INO80: variants seen among roughly 807,000 people sequenced by gnomAD.
INO80 encodes the protein INO80 complex ATPase subunit, also known as chromatin-remodeling ATPase INO80.
In INO80, 20 loss-of-function variants were observed where a neutral mutation model predicts 203.4. The ratio of observed to expected loss-of-function variants is 0.10; its 90% CI spans 0.07 to 0.14. The LOEUF (loss-of-function observed/expected upper bound fraction) is 0.14. Among genes scored for constraint, INO80 ranks in the 10% least tolerant of loss-of-function variants. INO80 has a pLI of 1.00. For missense variants in INO80, 1,419 were observed against 1,914.4 expected, an observed-to-expected ratio of 0.74 and a Z score of 4.83; for synonymous variants, 726 against 685.2, an observed-to-expected ratio of 1.06 and a Z score of -0.93.
At chr15:40,987,342 A>C in intron 30 of INO80, 149 bp from the exon 31 acceptor site, 1 of 570,436 alleles carries the variant, frequency 1.8e-6, no homozygotes, top group Non-Finnish European at 3.1e-6. Context: ...ATTTCAGTTC[A>C]TCTGATTGGC....
In INO80 at chr15:40,980,050, G is replaced by C. The variant is rs972755358; in HGVS notation, c.*173C>G. 4.2e-5 allele frequency: 26 copies of C among 625,266 alleles called. No homozygotes were observed. Among genetic ancestry groups the C allele is most frequent in the Middle Eastern group, 8.7e-4 (2 of 2,308 alleles). The allele number at this position is 625,266 out of a possible 1,614,324, so 38.7% of individuals were successfully genotyped here. A position where few individuals can be genotyped will look rare whatever the true frequency, so the allele number is the denominator to read the frequency against. On this transcript the variant is annotated 3_prime_UTR_variant, in exon 36 of 36. Coordinates refer to ENST00000648947, the MANE Select transcript of INO80 (RefSeq NM_017553.3). ...CAGGCACCCCAGATGCTCCTGATGAGACACAGATGATAAAAGTGCTCACAC... is the reference window on the plus strand; with the variant it reads ...CAGGCACCCCAGATGCTCCTGATGACACACAGATGATAAAAGTGCTCACAC...
chr15:41,086,931 G>C (rs1346271660), intron 6 of INO80, among the ~76,000 whole-genome samples: 2 of 152,042 alleles, frequency 1.3e-5, no homozygotes, highest in African/African-American at 4.8e-5. Context: ...TCCTATCCCA[G>C]AACATTTGCA....
At chr15:41,060,351 G>A (rs1452032334) in intron 14 of INO80, among the ~76,000 whole-genome samples, 2 of 152,166 alleles carry the variant, frequency 1.3e-5, no homozygotes, top group South Asian at 2.1e-4. Context: ...CACTTTGGGA[G>A]GTCGAGGCAG....
intron 17 of INO80, among the ~76,000 whole-genome samples, chr15:41,055,945 GTTTTT>G (rs5812185): frequency 3.1e-5 from 4 of 128,586 alleles, no homozygotes; most frequent in African/African-American, 1.2e-4. Flanking sequence ...TCTTCTTTTG[GTTTTT>G]TTTTTTTTTT....
At chr15:41,001,062 A>C (rs2043953391) in intron 28 of INO80, among the ~76,000 whole-genome samples, 1 of 152,362 alleles carries the variant, frequency 6.6e-6, no homozygotes, top group East Asian at 1.9e-4. Context: ...TGCTGTAAAA[A>C]ACAAAAGTAT....
chr15:41,013,594 ATAAAT>A (rs1335622587), intron 27 of INO80, among the ~76,000 whole-genome samples: 4 of 152,240 alleles, frequency 2.6e-5, no homozygotes, highest in African/African-American at 9.6e-5. Context: ...TTCCATGCTC[ATAAAT>A]TAAATTCTAT....
At chr15:40,994,624 C>A (rs1015338493) in intron 29 of INO80, among the ~76,000 whole-genome samples, 4 of 152,112 alleles carry the variant, frequency 2.6e-5, no homozygotes, top group Non-Finnish European at 4.4e-5. Flanking sequence ...CTCTGCCTCC[C>A]AAAGTGTTAG....
chr15:41,087,481 A>ATT, intron 6 of INO80, 81 bp downstream of exon 6: 1 of 1,418,978 alleles, frequency 7.0e-7, no homozygotes, highest in Non-Finnish European at 9.7e-7. Flanking sequence ...ACTTATATAT[A>ATT]AAGTCCAAAT....
chr15:41,099,504 AG>A (rs2045776280), intron 1 of INO80, among the ~76,000 whole-genome samples: 1 of 152,082 alleles, frequency 6.6e-6, no homozygotes, highest in African/African-American at 2.4e-5. Context: ...ACTTTTGGCC[AG>A]GAGCAGTGGC....
At chr15:40,993,783 G>GAAAAAT (rs369156256) in intron 29 of INO80, among the ~76,000 whole-genome samples, 1 of 151,256 alleles carries the variant, frequency 6.6e-6, no homozygotes, top group East Asian at 1.9e-4. Context: ...TAAATAAAAA[G>GAAAAAT]AAAAAGAAAA....
chr15:41,031,200 T>A (rs2044455703), intron 24 of INO80, among the ~76,000 whole-genome samples: 1 of 152,100 alleles, frequency 6.6e-6, no homozygotes, highest in South Asian at 2.1e-4. Context: ...AAATCTGGTT[T>A]AGTATATGTG....
chr15:41,017,855 A>C (rs910430805), intron 26 of INO80: 1 of 152,158 alleles, frequency 6.6e-6, no homozygotes, highest in African/African-American at 2.4e-5. Context: ...TGGTCTCCTT[A>C]CCAACACAAT....
At chr15:41,113,418 C>A (rs2045985029) in intron 1 of INO80, among the ~76,000 whole-genome samples, 1 of 152,110 alleles carries the variant, frequency 6.6e-6, no homozygotes, top group Admixed American at 6.6e-5. Context: ...AGGTGCGCGC[C>A]ACCACGCCCA....
chr15:41,028,514 G>C (rs1394049309), intron 24 of INO80, among the ~76,000 whole-genome samples: 3 of 152,166 alleles, frequency 2.0e-5, no homozygotes, highest in Admixed American at 1.3e-4. Context: ...ATCAATACAA[G>C]GGGTCAGTAA....
intron 14 of INO80, among the ~76,000 whole-genome samples, chr15:41,065,788 CA>C (rs1316870255): frequency 1.3e-5 from 2 of 152,140 alleles, no homozygotes; most frequent in Non-Finnish European, 2.9e-5. Context: ...ACAGAAACAG[CA>C]TTCACAAAGT....
chr15:41,078,421 T>C (rs760233154), intron 9 of INO80, among the ~76,000 whole-genome samples: 39 of 152,214 alleles, frequency 2.6e-4, no homozygotes, highest in Admixed American at 1.9e-3. Flanking sequence ...GATCTGTGGC[T>C]AACTCTGAAA....
chr15:41,067,221 C>T (rs1490991308), intron 14 of INO80, among the ~76,000 whole-genome samples: 3 of 151,868 alleles, frequency 2.0e-5, no homozygotes, highest in Admixed American at 6.6e-5. Context: ...GGATTACAGG[C>T]GCCCGCCATA....
intron 24 of INO80, among the ~76,000 whole-genome samples, chr15:41,037,708 C>T (rs766578611): frequency 2.0e-5 from 3 of 151,868 alleles, no homozygotes; most frequent in South Asian, 4.2e-4. Context: ...TTTGAAAGGC[C>T]GAGGCGAGAG....
Position 41,007,017 on chromosome 15 carries a change from A to G in INO80, c.3403-1330T>C, listed in dbSNP as rs138748602. 2.0e-5 allele frequency among the ~76,000 whole-genome samples: 3 copies of G among 152,246 alleles called. No individual in the cohort carries two copies. The East Asian group carries it at 5.8e-4, about 29-fold the overall frequency. ...AAATGATAGCAAGATGATGGTCCTT[A>G]GAGGCTTGCTATACCTTTTGCAGCT... is the stretch of plus-strand genomic sequence containing the variant. On this transcript the variant is annotated intron_variant, in intron 27 of 35. Coordinates refer to ENST00000648947, the MANE Select transcript of INO80 (RefSeq NM_017553.3).
Sources: allele counts gnomAD v4.1 joint callset (sites outside exome capture counted in the v4.1 genomes callset), GRCh38; gene constraint gnomAD v4.1.1; transcripts MANE v1.5; gene names NCBI Gene and HGNC (gene_info 2026-07-23, HGNC 2026-07-21).